Variants in TCERG1L observed in about 807,000 individuals in gnomAD.
TCERG1L encodes the protein transcription elongation regulator 1-like protein.
TCERG1L carries 37 observed loss-of-function variants against 56.3 expected under a neutral mutation model. That is an observed-to-expected ratio of 0.66 (90% CI 0.51 to 0.87). The LOEUF is 0.87. TCERG1L is among the 40% of genes least tolerant of loss of function. The pLI, the probability that TCERG1L is intolerant of heterozygous loss-of-function variation, is 0.00. For synonymous variants in TCERG1L, 324 were observed against 326.3 expected, an observed-to-expected ratio of 0.99 and a Z score of 0.08; for missense variants, 799 against 774.2, an observed-to-expected ratio of 1.03 and a Z score of -0.38.
At chr10:131,110,555 C>T (rs1845400260) in intron 9 of TCERG1L, among the ~76,000 whole-genome samples, 1 of 152,226 alleles carries the variant, frequency 6.6e-6, no homozygotes, top group Non-Finnish European at 1.5e-5. Flanking sequence ...GGCCCGAGCC[C>T]AGCACTGTCC....
At chr10:131,115,946 G>C (rs905302419) in intron 9 of TCERG1L, among the ~76,000 whole-genome samples, 1 of 152,190 alleles carries the variant, frequency 6.6e-6, no homozygotes, top group African/African-American at 2.4e-5. Context: ...CCAGCTGTGG[G>C]AGGGAGAGGA....
intron 3 of TCERG1L, among the ~76,000 whole-genome samples, chr10:131,302,510 A>T (rs2133583376): frequency 1.3e-5 from 2 of 152,132 alleles, no homozygotes; most frequent in Admixed American, 1.3e-4. Flanking sequence ...CCATACCTTG[A>T]AACGGCTCTG....
intron 3 of TCERG1L, 148 bp downstream of exon 3, chr10:131,308,063 T>TA: frequency 2.1e-6 from 2 of 972,276 alleles, no homozygotes; most frequent in Admixed American, 3.1e-5. Flanking sequence ...TAGTTTTTTT[T>TA]AAAAAAGCTT....
In TCERG1L at chr10:131,116,836, C is replaced by G; in HGVS notation, c.1358G>C (p.Arg453Pro). ...PPQILLPLEE[R>P]VTHFRDMLLE... ...CAGCATGTCTCGGAAGTGGGTCACACGCTCCTCCAGAGGCAGGAGGATCTG... is the reference window on the plus strand; with the variant it reads ...CAGCATGTCTCGGAAGTGGGTCACAGGCTCCTCCAGAGGCAGGAGGATCTG... Residue 453 changes from arginine to proline, a missense_variant, in exon 9 of 12, where the codon CGT (arginine) becomes CCT (proline). Transcript: ENST00000368642. The G allele has an allele frequency of 6.3e-7, 1 of 1,576,108 alleles. No homozygotes were observed. Among genetic ancestry groups the G allele is most frequent in the Non-Finnish European group, 8.6e-7 (1 of 1,161,456 alleles).
intron 3 of TCERG1L, among the ~76,000 whole-genome samples, chr10:131,294,537 T>C (rs994768466): frequency 6.6e-6 from 1 of 152,202 alleles, no homozygotes; most frequent in South Asian, 2.1e-4. Context: ...TGTATTAATT[T>C]TGCCTCAGTT....
chr10:131,266,006 A>G (rs1236964442), intron 3 of TCERG1L, among the ~76,000 whole-genome samples: 3 of 152,252 alleles, frequency 2.0e-5, no homozygotes, highest in East Asian at 3.8e-4. Context: ...ATTGGAGTCA[A>G]TCCCCTCAAA....
intron 9 of TCERG1L, among the ~76,000 whole-genome samples, chr10:131,115,189 CACTTGGACATCAGGCCATCCACCAGGATA>C (rs1184012609): frequency 6.6e-6 from 1 of 152,244 alleles, no homozygotes; most frequent in Non-Finnish European, 1.5e-5. Flanking sequence ...ACTGGCTGGA[CACTTGGACATCAGGCCATCCACCAGGATA>C]AAGAAGAGTC....
chr10:131,276,101 T>C (rs1846390328), intron 3 of TCERG1L, among the ~76,000 whole-genome samples: 1 of 152,150 alleles, frequency 6.6e-6, no homozygotes, highest in Non-Finnish European at 1.5e-5. Context: ...GACAGCATTC[T>C]CCTCCTGAAA....
At chr10:131,159,696 C>T (rs1366098066) in intron 6 of TCERG1L, among the ~76,000 whole-genome samples, 1 of 95,500 alleles carries the variant, frequency 1.0e-5, no homozygotes, top group African/African-American at 6.9e-5. Context: ...CCCAACCCCA[C>T]CCCATGGCAG....
chr10:131,204,393 ACCTGCCCCCCCAC>A (rs903591625), intron 4 of TCERG1L, among the ~76,000 whole-genome samples: 2 of 152,294 alleles, frequency 1.3e-5, no homozygotes, highest in South Asian at 2.1e-4. Flanking sequence ...GGAAACTGGC[ACCTGCCCCCCCAC>A]CCTGCCCCCG....
chr10:131,308,243 G>T lies in TCERG1L; in HGVS notation c.638C>A (p.Pro213His), dbSNP rs1171444102. The change falls in exon 3 of 12, where the codon CCC becomes CAC. Residue 213 changes from proline to histidine, a missense_variant. Pro to His is a moderately conservative substitution (Grantham distance 77). Coordinates refer to ENST00000368642, the MANE Select transcript of TCERG1L (RefSeq NM_174937.4). ...GGGCTGAGGTGCTAACACCACCGTGGGGAGCGGCCTGGAGGCAGGAGCCGG... is the reference window on the plus strand; with the variant it reads ...GGGCTGAGGTGCTAACACCACCGTGTGGAGCGGCCTGGAGGCAGGAGCCGG... ...SRPAPASRPL[P>H]TVVLAPQPIP... The T allele has an allele frequency of 6.2e-7, 1 of 1,613,752 alleles. No individual in the cohort carries two copies. Among genetic ancestry groups the T allele is most frequent in the African/African-American group, 1.3e-5 (1 of 74,914 alleles).
intron 3 of TCERG1L, among the ~76,000 whole-genome samples, chr10:131,306,859 A>G (rs1438489607): frequency 6.6e-6 from 1 of 152,164 alleles, no homozygotes; most frequent in Admixed American, 6.5e-5. Flanking sequence ...TTATATATGA[A>G]TTTCCTAAGA....
chr10:131,228,272 G>C (rs867204536), intron 4 of TCERG1L, among the ~76,000 whole-genome samples: 58 of 76,644 alleles, frequency 7.6e-4, no homozygotes, highest in African/African-American at 2.8e-3. Flanking sequence ...CAAGGCCTCC[G>C]GAGTCTCCCC....
rs138075786 is a variant in TCERG1L at position 131,144,210 on chromosome 10, T to C, written c.1189+2296A>G. ...TCGACTGAAATGCTTAATTGTCCCA[T>C]TGCAGACTACAAATAGGTATGAATA... is the stretch of plus-strand genomic sequence containing the variant. On this transcript the variant is annotated intron_variant, in intron 7 of 11. Coordinates refer to ENST00000368642, the MANE Select transcript of TCERG1L (RefSeq NM_174937.4). 2.0e-3 allele frequency among the ~76,000 whole-genome samples: 301 copies of C among 152,348 alleles called. 5 individuals are homozygous for C. The highest frequency in any genetic ancestry group is 0.018 in the Admixed American group (281 of 15,300).
chr10:131,124,684 A>G (rs1045193806), intron 8 of TCERG1L, among the ~76,000 whole-genome samples: 3 of 152,136 alleles, frequency 2.0e-5, no homozygotes, highest in African/African-American at 7.2e-5. Context: ...TGTGCACTGC[A>G]CTGGCCTCTA....
chr10:131,134,349 G>T (rs1278864499), intron 8 of TCERG1L, 30 bp downstream of exon 8: 1 of 1,559,662 alleles, frequency 6.4e-7, no homozygotes, highest in Non-Finnish European at 8.7e-7. Context: ...AGTAGGGAAA[G>T]ATCTGCTGGG....
At chr10:131,309,329 A>G in intron 1 of TCERG1L, 30 bp from the exon 2 acceptor site, 1 of 1,579,236 alleles carries the variant, frequency 6.3e-7, no homozygotes. Context: ...AGACAGCTGC[A>G]TTAGCCTGAA....
chr10:131,157,856 T>C (rs932322729), intron 6 of TCERG1L, among the ~76,000 whole-genome samples: 2 of 152,154 alleles, frequency 1.3e-5, no homozygotes, highest in Non-Finnish European at 2.9e-5. Context: ...TACTCAGCAG[T>C]AGAATGTGGA....
intron 4 of TCERG1L, among the ~76,000 whole-genome samples, chr10:131,243,059 G>T (rs1845991187): frequency 6.6e-6 from 1 of 152,130 alleles, no homozygotes; most frequent in Non-Finnish European, 1.5e-5. Flanking sequence ...TTTACATTAC[G>T]ATTTATTTAA....
Sources: gnomAD v4.1 joint callset for allele counts (sites outside exome capture counted in the v4.1 genomes callset) on GRCh38, gnomAD v4.1.1 for gene constraint, MANE v1.5 for transcripts, NCBI Gene and HGNC (gene_info 2026-07-23, HGNC 2026-07-21) for gene names.